Variants in CNTNAP2 observed in about 807,000 individuals in gnomAD.
CNTNAP2 encodes contactin associated protein 2.
CNTNAP2 carries 98 observed loss-of-function variants against 155.2 expected under a neutral mutation model. That is an observed-to-expected ratio of 0.63 (90% CI 0.54 to 0.75). The LOEUF (loss-of-function observed/expected upper bound fraction) is 0.75. Ranked by LOEUF, CNTNAP2 falls within the 30% of genes least tolerant of loss-of-function variation. The pLI is 0.00. For synonymous variants in CNTNAP2, 651 were observed against 631.2 expected (o/e 1.03, Z -0.47); for missense variants, 1,727 against 1,688.1 (o/e 1.02, Z -0.40).
At chr7:148,168,396 T>C (rs538024130) in intron 17 of CNTNAP2, among the ~76,000 whole-genome samples, 4 of 152,122 alleles carry the variant, frequency 2.6e-5, no homozygotes, top group Non-Finnish European at 1.5e-5. Flanking sequence ...AAAATGATGA[T>C]TTCCTGTCCT....
intron 15 of CNTNAP2, among the ~76,000 whole-genome samples, chr7:148,055,446 A>G (rs999845368): frequency 1.1e-4 from 16 of 152,248 alleles, no homozygotes; most frequent in South Asian, 4.1e-4. Context: ...AGCAAGCCAA[A>G]TCTTCATTGC....
At chr7:148,312,745 G>A (rs1466913673) in intron 21 of CNTNAP2, among the ~76,000 whole-genome samples, 4 of 152,192 alleles carry the variant, frequency 2.6e-5, no homozygotes, top group Non-Finnish European at 5.9e-5. Flanking sequence ...GCTGTAACAG[G>A]CAAGTGATAA....
In CNTNAP2 at chr7:147,763,684, C is replaced by A. The variant is rs117344837; in HGVS notation, c.2098+124378C>A. Among the ~76,000 whole-genome samples, 1,071 of 152,262 alleles carry A rather than the reference C, an allele frequency of 7.0e-3. 15 individuals carry two copies. The highest frequency in any genetic ancestry group is 9.3e-3 in the Non-Finnish European group (635 of 68,010). On this transcript the variant is annotated intron_variant, in intron 13 of 23. Coordinates refer to ENST00000361727, the MANE Select transcript of CNTNAP2 (RefSeq NM_014141.6). ...GTCAGAAAGGCATTGACTATAAGGG[C>A]AAGCCAAGCCCTTCTTGCTTCAGTA...
intron 21 of CNTNAP2, among the ~76,000 whole-genome samples, chr7:148,362,738 GCAAA>G (rs1335748930): frequency 6.6e-6 from 1 of 152,192 alleles, no homozygotes; most frequent in Non-Finnish European, 1.5e-5. Context: ...AAGCTTGAAA[GCAAA>G]CAGTCTATGC....
chr7:146,852,711 A>G (rs1340776169), intron 3 of CNTNAP2, among the ~76,000 whole-genome samples: 1 of 152,208 alleles, frequency 6.6e-6, no homozygotes, highest in African/African-American at 2.4e-5. Context: ...GCTTTCCCCA[A>G]TTAAAAGTTG....
At chr7:146,366,189 G>A (rs1296372463) in intron 1 of CNTNAP2, among the ~76,000 whole-genome samples, 1 of 152,034 alleles carries the variant, frequency 6.6e-6, no homozygotes, top group Admixed American at 6.6e-5. Context: ...TTTTCTACTA[G>A]ATTTAATCAT....
intron 3 of CNTNAP2, among the ~76,000 whole-genome samples, chr7:147,001,354 T>G (rs772704450): frequency 1.4e-4 from 22 of 152,062 alleles, no homozygotes; most frequent in Non-Finnish European, 2.4e-4. Flanking sequence ...AATGTCCTTT[T>G]TCTATTGGGC....
intron 5 of CNTNAP2, among the ~76,000 whole-genome samples, chr7:147,117,799 A>G (rs2129281990): frequency 6.6e-6 from 1 of 152,312 alleles, no homozygotes; most frequent in South Asian, 2.1e-4. Context: ...ACATTACCTT[A>G]AAGATGTACC....
chr7:146,765,805 A>G (rs750548349), intron 1 of CNTNAP2, among the ~76,000 whole-genome samples: 5 of 152,160 alleles, frequency 3.3e-5, no homozygotes, highest in African/African-American at 4.8e-5. Context: ...TGAAGGTAGT[A>G]TTTGCGTCAG....
chr7:146,153,675 C>T (rs138825001), intron 1 of CNTNAP2, among the ~76,000 whole-genome samples: 12 of 152,222 alleles, frequency 7.9e-5, no homozygotes, highest in African/African-American at 2.9e-4. Context: ...AGAGCAAATA[C>T]CCTAAAAGGG....
At chr7:146,296,674 C>T (rs909889868) in intron 1 of CNTNAP2, among the ~76,000 whole-genome samples, 3 of 151,876 alleles carry the variant, frequency 2.0e-5, no homozygotes, top group South Asian at 2.1e-4. Context: ...TTTGCTTTGT[C>T]CTGGTAATTA....
At chr7:147,913,659 G>A (rs573742853) in intron 14 of CNTNAP2, among the ~76,000 whole-genome samples, 1 of 152,326 alleles carries the variant, frequency 6.6e-6, no homozygotes, top group East Asian at 1.9e-4. Context: ...GGTACTGCAC[G>A]ATGGCAGCTA....
chr7:148,293,146 T>C (rs567097692), intron 21 of CNTNAP2, among the ~76,000 whole-genome samples: 127 of 152,284 alleles, frequency 8.3e-4, no homozygotes, highest in Non-Finnish European at 1.5e-3. Context: ...TAATGCTTTC[T>C]TTTTCTTTGT....
At chr7:147,671,995 A>G (rs940738933) in intron 13 of CNTNAP2, 4 of 152,230 alleles carry the variant, frequency 2.6e-5, no homozygotes, top group African/African-American at 9.6e-5. Flanking sequence ...AGAGTTTGTT[A>G]GAAAATCAGA....
intron 14 of CNTNAP2, among the ~76,000 whole-genome samples, chr7:147,942,624 A>G (rs549796679): frequency 1.3e-5 from 2 of 152,234 alleles, no homozygotes; most frequent in South Asian, 4.2e-4. Flanking sequence ...TAGAGTCACA[A>G]TTGTCACCCT....
At chr7:147,220,486 TGATA>T (rs1285542617) in intron 8 of CNTNAP2, among the ~76,000 whole-genome samples, 1 of 152,206 alleles carries the variant, frequency 6.6e-6, no homozygotes, top group African/African-American at 2.4e-5. Context: ...AACTGATTAT[TGATA>T]TAGTTGTAAT....
At chr7:147,970,729 G>A (rs747812873) in intron 14 of CNTNAP2, among the ~76,000 whole-genome samples, 1 of 152,142 alleles carries the variant, frequency 6.6e-6, no homozygotes, top group Non-Finnish European at 1.5e-5. Flanking sequence ...GATGAATGTT[G>A]ACAGTCAAAC....
chr7:147,135,339 TGATG>T (rs1381857864), intron 8 of CNTNAP2, among the ~76,000 whole-genome samples: 4 of 151,752 alleles, frequency 2.6e-5, no homozygotes, highest in African/African-American at 9.7e-5. Flanking sequence ...CAACGTTTTC[TGATG>T]GATAGCCAAA....
intron 12 of CNTNAP2, among the ~76,000 whole-genome samples, chr7:147,635,677 G>A (rs761706687): frequency 1.3e-5 from 2 of 152,120 alleles, no homozygotes; most frequent in Non-Finnish European, 2.9e-5. Flanking sequence ...TCAGCAAATA[G>A]GTAATATTTT....
Sources: gnomAD v4.1 joint callset for allele counts (sites outside exome capture counted in the v4.1 genomes callset) on GRCh38, gnomAD v4.1.1 for gene constraint, MANE v1.5 for transcripts, NCBI Gene and HGNC (gene_info 2026-07-23, HGNC 2026-07-21) for gene names.